PPP2R2B: variants seen among roughly 807,000 people sequenced by gnomAD.
PPP2R2B encodes the protein serine/threonine-protein phosphatase 2A 55 kDa regulatory subunit B beta isoform.
Under a neutral mutation model 46.0 loss-of-function variants are expected in PPP2R2B, and 5 were observed. That is an observed-to-expected ratio of 0.11 (90% CI 0.06 to 0.23). The LOEUF (loss-of-function observed/expected upper bound fraction) is 0.23. PPP2R2B is among the 10% of genes least tolerant of loss of function. The pLI is 1.00. For synonymous variants in PPP2R2B, 215 were observed against 206.7 expected (o/e 1.04, Z -0.34); for missense variants, 367 against 575.0 (o/e 0.64, Z 3.70).
chr5:147,056,099 G>A, upstream of PPP2R2B: 1 of 1,060,420 alleles, frequency 9.4e-7, no homozygotes, highest in South Asian at 3.6e-5. Context: ...TTCCCGTGTG[G>A]TGAGTTTCTC....
intron 1 of PPP2R2B, among the ~76,000 whole-genome samples, chr5:147,028,516 T>C (rs1171172608): frequency 6.6e-6 from 1 of 152,208 alleles, no homozygotes; most frequent in Non-Finnish European, 1.5e-5. Flanking sequence ...AATGAAGCAA[T>C]ACAGTATATT....
At chr5:147,029,200 A>T (rs1487329828) in intron 1 of PPP2R2B, among the ~76,000 whole-genome samples, 2 of 151,954 alleles carry the variant, frequency 1.3e-5, no homozygotes, top group East Asian at 3.9e-4. Context: ...ATCACCTTTT[A>T]TGTCATTTTA....
intron 1 of PPP2R2B, chr5:146,919,578 C>T: frequency 6.6e-6 from 1 of 152,322 alleles, no homozygotes; most frequent in Middle Eastern, 3.4e-3. Flanking sequence ...CCAGCTGAGA[C>T]AGGCTCTGTC....
intron 1 of PPP2R2B, among the ~76,000 whole-genome samples, chr5:146,901,048 T>G (rs1344788082): frequency 6.6e-6 from 1 of 152,194 alleles, no homozygotes; most frequent in African/African-American, 2.4e-5. Context: ...GGCATTTGGG[T>G]TCATTCCATG....
intron 2 of PPP2R2B, among the ~76,000 whole-genome samples, chr5:146,722,198 G>T (rs1455264551): frequency 2.0e-5 from 3 of 152,116 alleles, no homozygotes; most frequent in Non-Finnish European, 4.4e-5. Flanking sequence ...CTGAAGACCT[G>T]CTATATGTTA....
chr5:146,706,552 C>T (rs1779866927), intron 2 of PPP2R2B: 1 of 1,016,622 alleles, frequency 9.8e-7, no homozygotes, highest in Non-Finnish European at 1.5e-6. Context: ...TGCTGAAGGG[C>T]GGCCTCCAGC....
At position 146,663,977 on chromosome 5, in the gene PPP2R2B, G is replaced by T. The variant is rs1298995255; in HGVS notation, c.448-13253C>A. ...CTGCCTCAGCCTCCCGAGCAGCTGG[G>T]ATTACAGGCACGTGCCACCACGCCT... On this transcript the variant is annotated intron_variant, in intron 5 of 9. Transcript: ENST00000394411. Among the ~76,000 whole-genome samples, 4 of 152,202 alleles carry T rather than the reference G, an allele frequency of 2.6e-5. No individual in the cohort carries two copies. The East Asian group carries it at 7.7e-4, about 29-fold the overall frequency.
At chr5:146,777,418 C>A (rs947171411) in intron 2 of PPP2R2B, among the ~76,000 whole-genome samples, 1 of 151,948 alleles carries the variant, frequency 6.6e-6, no homozygotes, top group Non-Finnish European at 1.5e-5. Context: ...CTAGAATAGG[C>A]AAACTCATAG....
chr5:147,028,886 G>A (rs1209540523), intron 1 of PPP2R2B, among the ~76,000 whole-genome samples: 2 of 152,092 alleles, frequency 1.3e-5, no homozygotes, highest in South Asian at 2.1e-4. Context: ...GTATGTCGTG[G>A]TATTCCATTG....
At chr5:147,004,386 G>C (rs1371185583) in intron 1 of PPP2R2B, among the ~76,000 whole-genome samples, 4 of 152,176 alleles carry the variant, frequency 2.6e-5, no homozygotes, top group African/African-American at 4.8e-5. Flanking sequence ...CCCTTGCTGA[G>C]CCCTGGGTAC....
intron 1 of PPP2R2B, among the ~76,000 whole-genome samples, chr5:146,884,087 G>T (rs1762249389): frequency 7.0e-6 from 1 of 142,904 alleles, no homozygotes; most frequent in Non-Finnish European, 1.5e-5. Context: ...TGTAAATTCA[G>T]GGTTTTTTTT....
At chr5:146,899,227 G>A (rs7446350) in intron 1 of PPP2R2B, among the ~76,000 whole-genome samples, 58,845 of 132,464 alleles carry the variant, frequency 0.44, 14,845 homozygotes, top group East Asian at 0.67. Flanking sequence ...ACCAACCCAA[G>A]TGTCCAAGAA....
intron 2 of PPP2R2B, among the ~76,000 whole-genome samples, chr5:146,764,800 CGAGAGAGA>C (rs67810307): frequency 1.1e-4 from 16 of 149,820 alleles, no homozygotes; most frequent in Admixed American, 2.7e-4. Flanking sequence ...ATCTCTATCC[CGAGAGAGA>C]GAGAGAGAGA....
At chr5:147,019,824 C>G (rs983036179) in intron 1 of PPP2R2B, among the ~76,000 whole-genome samples, 3 of 152,116 alleles carry the variant, frequency 2.0e-5, no homozygotes, top group Non-Finnish European at 1.5e-5. Context: ...CCTAGAGAAG[C>G]CTTTCTCAGC....
rs1021553328 is a variant in PPP2R2B at position 146,723,365 on chromosome 5, A to G, written c.71-22223T>C. On this transcript the variant is annotated intron_variant, in intron 2 of 9. Transcript: ENST00000394411. ...AACTTTCATAGTGTCATTTTAAGAA[A>G]TCACTTCCCTTTGAACACTCACATA... Among the ~76,000 whole-genome samples the G allele has an allele frequency of 2.4e-4, 37 of 152,280 alleles. 1 individual carries two copies. The East Asian group carries it at 6.6e-3, about 27-fold the overall frequency.
chr5:146,618,712 C>T (rs1321214166), intron 7 of PPP2R2B, among the ~76,000 whole-genome samples: 1 of 152,180 alleles, frequency 6.6e-6, no homozygotes, highest in African/African-American at 2.4e-5. Context: ...GCTCACTGTC[C>T]AAGGGAGCTG....
At chr5:147,000,152 C>G (rs1266948385) in intron 1 of PPP2R2B, among the ~76,000 whole-genome samples, 1 of 152,198 alleles carries the variant, frequency 6.6e-6, no homozygotes, top group East Asian at 1.9e-4. Context: ...TTTTGACATT[C>G]TATTTATCAC....
chr5:146,789,966 G>A (rs1426517746), intron 2 of PPP2R2B, among the ~76,000 whole-genome samples: 1 of 152,140 alleles, frequency 6.6e-6, no homozygotes, highest in East Asian at 1.9e-4. Context: ...GGGTAGAGGG[G>A]CAAAGTCTCA....
chr5:146,697,471 T>C (rs1307602853), intron 4 of PPP2R2B, among the ~76,000 whole-genome samples: 1 of 152,232 alleles, frequency 6.6e-6, no homozygotes, highest in Non-Finnish European at 1.5e-5. Context: ...AAGAAACCCT[T>C]TCTTGATCAG....
Sources: gnomAD v4.1 joint callset for allele counts (sites outside exome capture counted in the v4.1 genomes callset) on GRCh38, gnomAD v4.1.1 for gene constraint, MANE v1.5 for transcripts, NCBI Gene and HGNC (gene_info 2026-07-23, HGNC 2026-07-21) for gene names.